Variants in ENTPD5 observed in about 807,000 individuals in gnomAD.
The protein encoded by ENTPD5 is nucleoside diphosphate phosphatase ENTPD5.
Under a neutral mutation model 60.2 loss-of-function variants are expected in ENTPD5, and 49 were observed. That is an observed-to-expected ratio of 0.81 (90% confidence interval 0.65 to 1.03). The LOEUF is 1.03. Ranked by LOEUF, ENTPD5 falls within the 50% of genes least tolerant of loss-of-function variation. The pLI, the probability that ENTPD5 is intolerant of heterozygous loss-of-function variation, is 0.00. For synonymous variants in ENTPD5, 187 were observed against 185.4 expected, an observed-to-expected ratio of 1.01 and a Z score of -0.07; for missense variants, 480 against 507.6, an observed-to-expected ratio of 0.95 and a Z score of 0.52.
intron 6 of ENTPD5, among the ~76,000 whole-genome samples, chr14:73,981,733 G>C (rs1384774988): frequency 6.6e-6 from 1 of 151,824 alleles, no homozygotes; most frequent in Non-Finnish European, 1.5e-5. Context: ...CTTGAACCTG[G>C]GAGGTGGAGG....
downstream of ENTPD5, chr14:73,955,476 C>T (rs183998967): frequency 6.2e-7 from 1 of 1,614,078 alleles, no homozygotes; most frequent in Non-Finnish European, 8.5e-7. Flanking sequence ...ACCATATCTG[C>T]AACATGAGAT....
intron 2 of ENTPD5, among the ~76,000 whole-genome samples, chr14:74,012,843 C>G (rs895808101): frequency 6.6e-6 from 1 of 152,174 alleles, no homozygotes; most frequent in African/African-American, 2.4e-5. Flanking sequence ...CCCCCAAAAA[C>G]CTACCATTCA....
In ENTPD5 at chr14:74,011,164, A is replaced by C. The variant is rs2058834958; in HGVS notation, c.-130-14T>G. 4 of 814,626 alleles carry C rather than the reference A, an allele frequency of 4.9e-6. No homozygotes were observed. In the South Asian group the frequency reaches 1.7e-4, roughly 34 times the overall value. The allele number at this position is 814,626 out of a possible 1,614,324, so 50.5% of individuals were successfully genotyped here. ...CACTTTTTCAACCTGTGTAAGATGG[A>C]CATGAATAATTATAAGAACAGTTTC... On this transcript the variant is annotated splice_polypyrimidine_tract_variant and intron_variant, in intron 2 of 15. Transcript: ENST00000334696.
intron 8 of ENTPD5, 123 bp from the exon 9 acceptor site, chr14:73,976,535 G>T: frequency 1.4e-6 from 1 of 707,588 alleles, no homozygotes; most frequent in Non-Finnish European, 2.4e-6. Flanking sequence ...CAGCCCCAAG[G>T]CTGCAGGTGA....
At chr14:73,973,475 T>C (rs954396176) in intron 12 of ENTPD5, among the ~76,000 whole-genome samples, 2 of 152,226 alleles carry the variant, frequency 1.3e-5, no homozygotes, top group African/African-American at 4.8e-5. Flanking sequence ...ACTGCTGCAT[T>C]AGACCTAGGC....
rs2058155173 is a variant in ENTPD5, at chr14:73,991,980, C to G, written c.-70-3808G>C. Among the ~76,000 whole-genome samples, 4 of 150,884 alleles carry G rather than the reference C, an allele frequency of 2.7e-5. No individual in the cohort carries two copies. The South Asian group carries it at 8.4e-4, about 32-fold the overall frequency. ...CACCATTGCACTCCAGCGTGGGCAA[C>G]AAGAGCGAAACTCCGTCTCACAAAA... On this transcript the variant is annotated intron_variant, in intron 3 of 15. Transcript: ENST00000334696.
rs150134014 is a variant in ENTPD5 at position 73,983,150 on chromosome 14, G to C, written c.309C>G (p.Thr103=). ...TGGCCACCTCTAAGAGCCCTTGAAC[G>C]GTCTCAGCACCCTTCAAAAGAGATA... is the stretch of plus-strand genomic sequence containing the variant. ...FVDQPKQGAE[T]VQGLLEVAKD... Residue 103 remains threonine (T), a synonymous_variant, in exon 6 of 16, where the codon ACC becomes ACG. Coordinates refer to ENST00000334696, the MANE Select transcript of ENTPD5 (RefSeq NM_001249.5). The C allele has an allele frequency of 6.2e-7, 1 of 1,613,464 alleles. No individual in the cohort carries two copies. The highest frequency in any genetic ancestry group is 1.3e-5 in the African/African-American group (1 of 74,884).
intron 3 of ENTPD5, among the ~76,000 whole-genome samples, chr14:73,990,810 T>C (rs1343728407): frequency 2.7e-5 from 4 of 150,850 alleles, no homozygotes; most frequent in Non-Finnish European, 4.4e-5. Context: ...AGGTGGATCA[T>C]GTAAGGTCAG....
intron 10 of ENTPD5, among the ~76,000 whole-genome samples, chr14:73,975,210 G>A (rs2057390081): frequency 6.6e-6 from 1 of 152,076 alleles, no homozygotes; most frequent in South Asian, 2.1e-4. Context: ...AAAGGCCAGA[G>A]ACAGTGACAA....
chr14:73,988,647 A>G (rs2058005040), intron 3 of ENTPD5, among the ~76,000 whole-genome samples: 1 of 152,134 alleles, frequency 6.6e-6, no homozygotes, highest in African/African-American at 2.4e-5. Flanking sequence ...TGTACCCATT[A>G]ACCAAGTTCT....
intron 6 of ENTPD5, among the ~76,000 whole-genome samples, chr14:73,979,082 G>A (rs1233947082): frequency 6.6e-6 from 1 of 152,040 alleles, no homozygotes; most frequent in African/African-American, 2.4e-5. Flanking sequence ...AACATACCAA[G>A]CACATACCTG....
chr14:73,957,301 G>A (rs990879420), downstream of ENTPD5, among the ~76,000 whole-genome samples: 2 of 151,994 alleles, frequency 1.3e-5, no homozygotes, highest in African/African-American at 2.4e-5. Context: ...GTTTCACCGT[G>A]GTCTCAATCT....
intron 5 of ENTPD5, 118 bp from the exon 6 acceptor site, chr14:73,983,279 T>G: frequency 1.0e-6 from 1 of 997,118 alleles, no homozygotes. Flanking sequence ...GGCTCCAACC[T>G]CTCTCTGCTC....
intron 11 of ENTPD5, 45 bp downstream of exon 11, chr14:73,974,879 G>A: frequency 6.8e-7 from 1 of 1,480,274 alleles, no homozygotes; most frequent in Non-Finnish European, 9.4e-7. Flanking sequence ...CGGAGTATCT[G>A]TGTCACCCTC....
chr14:73,988,254 C>G (rs2057987060), intron 3 of ENTPD5, 82 bp from the exon 4 acceptor site: 2 of 1,292,884 alleles, frequency 1.5e-6, no homozygotes, highest in African/African-American at 3.0e-5. Context: ...ACTCCTGGGC[C>G]CAAGGTGTTC....
chr14:73,960,709 T>G, downstream of ENTPD5: 1 of 584,788 alleles, frequency 1.7e-6, no homozygotes, highest in South Asian at 2.8e-5. Context: ...CTCCGTACAG[T>G]GATAGAAGTA....
intron 2 of ENTPD5, among the ~76,000 whole-genome samples, chr14:74,012,747 C>T (rs2058884291): frequency 6.6e-6 from 1 of 152,194 alleles, no homozygotes; most frequent in African/African-American, 2.4e-5. Context: ...GCCAGGTCTT[C>T]TGATTTTTCA....
chr14:73,973,673 G>A (rs2057323042), intron 12 of ENTPD5, among the ~76,000 whole-genome samples: 1 of 152,152 alleles, frequency 6.6e-6, no homozygotes, highest in Non-Finnish European at 1.5e-5. Context: ...TATCTAATGG[G>A]TCCATGACAC....
rs2056889461 is a variant in ENTPD5 at position 73,964,437 on chromosome 14, T to C, written c.*2491A>G. On this transcript the variant is annotated 3_prime_UTR_variant, in exon 16 of 16. Transcript: ENST00000334696. ...ACTTCTCCAGAAGGTCTAATCAAGG[T>C]TAACAAAATAGGTAAGTTCGTGGAG... The C allele has an allele frequency of 6.6e-6, 1 of 152,180 alleles. No individual in the cohort carries two copies. The highest frequency in any genetic ancestry group is 2.4e-5 in the African/African-American group (1 of 41,442). The allele number at this position is 152,180 out of a possible 1,614,324, so 9.4% of individuals were successfully genotyped here.
Sources: allele counts gnomAD v4.1 joint callset (sites outside exome capture counted in the v4.1 genomes callset), GRCh38; gene constraint gnomAD v4.1.1; transcripts MANE v1.5; gene names NCBI Gene and HGNC (gene_info 2026-07-23, HGNC 2026-07-21).